SP4: variants seen among roughly 807,000 people sequenced by gnomAD.
The protein encoded by SP4 is transcription factor Sp4.
SP4 carries 19 observed loss-of-function variants against 72.8 expected under a neutral mutation model. That is an observed-to-expected ratio of 0.26 (90% confidence interval 0.18 to 0.38). SP4 has a LOEUF of 0.38. SP4 is among the 10% of genes least tolerant of loss of function. The probability of loss-of-function intolerance (pLI) is 1.00; values close to 1 mark genes in which losing one functional copy is unlikely to be tolerated. For missense variants in SP4, 1,008 were observed against 926.3 expected (o/e 1.09, Z -1.14); for synonymous variants, 395 against 333.1 (o/e 1.19, Z -2.02).
At position 21,466,135 on chromosome 7, in the gene SP4, G is replaced by A. The variant is rs1333927124; in HGVS notation, c.1679-10944G>A. Among the ~76,000 whole-genome samples, 3 of 152,004 alleles carry A rather than the reference G, an allele frequency of 2.0e-5. No individual in the cohort carries two copies. The East Asian group carries it at 5.8e-4, about 29-fold the overall frequency. ...ATTTTATGCACATTTTTGTTATTGTGCATATTATAATTATTTATTTGAGTG... is the reference window on the plus strand; with the variant it reads ...ATTTTATGCACATTTTTGTTATTGTACATATTATAATTATTTATTTGAGTG... On this transcript the variant is annotated intron_variant, in intron 3 of 5. Coordinates refer to ENST00000222584, the MANE Select transcript of SP4 (RefSeq NM_003112.5).
rs57923301 is a variant in SP4, at chr7:21,453,796, A to C, written c.1678+22953A>C. Among the ~76,000 whole-genome samples, 1,173 of 152,308 alleles carry C rather than the reference A, an allele frequency of 7.7e-3. 16 individuals carry two copies. The highest frequency in any genetic ancestry group is 0.026 in the African/African-American group (1,070 of 41,566). Reference sequence around the variant, plus strand: ...CTTTTATTCCAATGTTTAATTTATGAATAGTCTGAATAGTACCCCTTTAAT... The same window carrying C: ...CTTTTATTCCAATGTTTAATTTATGCATAGTCTGAATAGTACCCCTTTAAT... On this transcript the variant is annotated intron_variant, in intron 3 of 5. Coordinates refer to ENST00000222584, the MANE Select transcript of SP4 (RefSeq NM_003112.5).
intron 4 of SP4, among the ~76,000 whole-genome samples, 181 bp from the exon 5 acceptor site, chr7:21,481,743 C>A (rs1784694558): frequency 6.6e-6 from 1 of 152,144 alleles, no homozygotes; most frequent in Non-Finnish European, 1.5e-5. Context: ...CAATTTGGTA[C>A]ACAGACCTGT....
chr7:21,428,313 T>A, intron 1 of SP4, 55 bp downstream of exon 1: 1 of 907,148 alleles, frequency 1.1e-6, no homozygotes, highest in Non-Finnish European at 1.8e-6. Flanking sequence ...TCTCCCTCCC[T>A]CCCCAGACCC....
Position 21,439,440 on chromosome 7 carries a change from G to A in SP4, c.1678+8597G>A, listed in dbSNP as rs562974731. Among the ~76,000 whole-genome samples, 3 of 152,050 alleles carry A rather than the reference G, an allele frequency of 2.0e-5. No homozygotes were observed. In the South Asian group the frequency reaches 6.2e-4, roughly 32 times the overall value. ...CAGGGCTTTTAGTGTGTGCATCACT[G>A]CAGGAATGTACACTGTACCCATTAA... is the stretch of plus-strand genomic sequence containing the variant. On this transcript the variant is annotated intron_variant, in intron 3 of 5. Transcript: ENST00000222584.
chr7:21,452,577 A>G (rs2128399119), intron 3 of SP4, among the ~76,000 whole-genome samples: 1 of 152,312 alleles, frequency 6.6e-6, no homozygotes, highest in Middle Eastern at 3.4e-3. Flanking sequence ...TTCTTAAAGG[A>G]AAGCATGCCA....
intron 5 of SP4, among the ~76,000 whole-genome samples, chr7:21,501,956 T>G (rs1012676725): frequency 6.6e-6 from 1 of 151,016 alleles, no homozygotes; most frequent in Non-Finnish European, 1.5e-5. Flanking sequence ...GTTAATCTAG[T>G]CCACATTCTT....
At chr7:21,466,879 G>A (rs1039049731) in intron 3 of SP4, among the ~76,000 whole-genome samples, 5 of 151,688 alleles carry the variant, frequency 3.3e-5, no homozygotes, top group Non-Finnish European at 5.9e-5. Flanking sequence ...AATGTATGTA[G>A]CTCTCTTTTC....
At chr7:21,428,576 A>C in intron 1 of SP4, 101 bp from the exon 2 acceptor site, 3 of 1,106,486 alleles carry the variant, frequency 2.7e-6, no homozygotes, top group Non-Finnish European at 3.9e-6. Context: ...TATGGAGATT[A>C]ATGTTCGGGG....
At chr7:21,475,061 G>A (rs1784457850) in intron 3 of SP4, among the ~76,000 whole-genome samples, 1 of 151,314 alleles carries the variant, frequency 6.6e-6, no homozygotes, top group Non-Finnish European at 1.5e-5. Context: ...TACATTTAAG[G>A]TACTACATGT....
chr7:21,478,541 C>G (rs749483925), intron 4 of SP4, among the ~76,000 whole-genome samples: 1 of 152,158 alleles, frequency 6.6e-6, no homozygotes, highest in Non-Finnish European at 1.5e-5. Context: ...TTGTCATTAT[C>G]TGACTTTATG....
At position 21,430,387 on chromosome 7, in the gene SP4, C is replaced by G. The variant is rs1444563161; in HGVS notation, c.1222C>G (p.Gln408Glu). Residue 408 changes from glutamine (Q) to glutamate (E), a missense_variant, in exon 3 of 6, where the codon CAG becomes GAG. By Grantham distance (29) the Gln-to-Glu change is conservative. This residue lies in a region of SP4 where 893 missense variants were observed against 743.3 expected (regional missense o/e 1.20). Transcript: ENST00000222584. ...IVGQPILQQIQIQQPQQQIIQ... is the reference protein window; with the variant it reads ...IVGQPILQQIEIQQPQQQIIQ... ...AGGCCAACCTATCTTACAGCAGATC[C>G]AGATCCAACAGCCTCAGCAACAGAT... 4 of 1,614,216 alleles carry G rather than the reference C, an allele frequency of 2.5e-6. No homozygotes were observed. The highest frequency in any genetic ancestry group is 1.7e-6 in the Non-Finnish European group (2 of 1,180,036).
Position 21,428,277 on chromosome 7 carries a change from CCT to C in SP4, c.7+21_7+22del. 6.9e-7 allele frequency: 1 copy of C among 1,452,928 alleles called. No individual in the cohort carries two copies. Among genetic ancestry groups the C allele is most frequent in the Non-Finnish European group, 9.5e-7 (1 of 1,056,686 alleles). The allele number at this position is 1,452,928 out of a possible 1,614,324, so 90.0% of individuals were successfully genotyped here. A position where few individuals can be genotyped will look rare whatever the true frequency, so the allele number is the denominator to read the frequency against. Reference sequence around the variant, plus strand: ...ATGAGCGGTACGTATTCTCCACCCCCCTCAGTCTCCTTCGCCGCCTCCCTCTC... The same window carrying C: ...ATGAGCGGTACGTATTCTCCACCCCCCAGTCTCCTTCGCCGCCTCCCTCTC... On this transcript the variant is annotated intron_variant, in intron 1 of 5. Transcript: ENST00000222584.
At position 21,513,333 on chromosome 7, in the gene SP4, G is replaced by A. The variant is rs1782195178; in HGVS notation, c.*2064G>A. ...TTTACACTGTGGTTATAAATTTCAA[G>A]TTTCTTAAAGCTTTTGTAGACTTGT... On this transcript the variant is annotated 3_prime_UTR_variant, in exon 6 of 6. Coordinates refer to ENST00000222584, the MANE Select transcript of SP4 (RefSeq NM_003112.5). 1 of 152,532 alleles carries A rather than the reference G, an allele frequency of 6.6e-6. No individual in the cohort carries two copies. Among genetic ancestry groups the A allele is most frequent in the Admixed American group, 6.6e-5 (1 of 15,266 alleles). 9.4% of individuals were successfully genotyped at this position (152,532 alleles called of 1,614,324 possible).
intron 3 of SP4, among the ~76,000 whole-genome samples, chr7:21,464,120 CTCTT>C (rs1468981656): frequency 1.4e-5 from 2 of 144,924 alleles, no homozygotes; most frequent in African/African-American, 5.2e-5. Context: ...TCAGGGCGCT[CTCTT>C]TTTTTTTTTT....
At chr7:21,468,363 ATTTAG>A (rs1321733722) in intron 3 of SP4, among the ~76,000 whole-genome samples, 1 of 152,130 alleles carries the variant, frequency 6.6e-6, no homozygotes, top group Non-Finnish European at 1.5e-5. Context: ...GAATTGACAC[ATTTAG>A]TTTAATGATT....
intron 3 of SP4, among the ~76,000 whole-genome samples, chr7:21,474,403 T>C (rs1784433951): frequency 6.6e-6 from 1 of 152,226 alleles, no homozygotes; most frequent in Non-Finnish European, 1.5e-5. Context: ...GTAGATTTTG[T>C]ATAGTGCTTG....
chr7:21,478,388 A>T (rs1402058086), intron 4 of SP4, among the ~76,000 whole-genome samples: 1 of 152,220 alleles, frequency 6.6e-6, no homozygotes, highest in Non-Finnish European at 1.5e-5. Context: ...GAAATTACCT[A>T]GAAATGGATT....
chr7:21,465,359 G>C (rs1784132861), intron 3 of SP4, among the ~76,000 whole-genome samples: 3 of 152,146 alleles, frequency 2.0e-5, no homozygotes, highest in South Asian at 4.1e-4. Context: ...TGCTTAAGGA[G>C]AGAATATAGC....
At chr7:21,453,183 C>G (rs558982017) in intron 3 of SP4, among the ~76,000 whole-genome samples, 1 of 152,280 alleles carries the variant, frequency 6.6e-6, no homozygotes, top group East Asian at 1.9e-4. Context: ...TTATTTTAGT[C>G]TTCTATTAGT....
Sources: allele counts gnomAD v4.1 joint callset (sites outside exome capture counted in the v4.1 genomes callset), GRCh38; gene constraint gnomAD v4.1.1; regional missense constraint gnomAD v4.1.1; transcripts MANE v1.5; gene names NCBI Gene and HGNC (gene_info 2026-07-23, HGNC 2026-07-21).